Variants in PTPRD observed in about 807,000 individuals in gnomAD.
The protein encoded by PTPRD is protein tyrosine phosphatase receptor type D.
A neutral mutation model predicts 214.5 loss-of-function variants in PTPRD; 34 were observed. The ratio of observed to expected loss-of-function variants is 0.16; its 90% CI spans 0.12 to 0.21. PTPRD has a LOEUF of 0.21. PTPRD is among the 10% of genes least tolerant of loss of function. The probability of loss-of-function intolerance (pLI) is 1.00; values close to 1 mark genes in which losing one functional copy is unlikely to be tolerated. For synonymous variants in PTPRD, 1,128 were observed against 845.7 expected, an observed-to-expected ratio of 1.33 and a Z score of -5.79; for missense variants, 2,545 against 2,398.7, an observed-to-expected ratio of 1.06 and a Z score of -1.27.
At chr9:8,498,149 T>C (rs2097316216) in intron 25 of PTPRD, among the ~76,000 whole-genome samples, 1 of 152,188 alleles carries the variant, frequency 6.6e-6, no homozygotes, top group Admixed American at 6.5e-5. Context: ...TCCAGATCCC[T>C]TTACTTAGAA....
intron 5 of PTPRD, among the ~76,000 whole-genome samples, chr9:9,870,444 T>A (rs920510360): frequency 6.6e-6 from 1 of 151,948 alleles, no homozygotes; most frequent in Non-Finnish European, 1.5e-5. Context: ...ACAGAAAATG[T>A]AAAATAAATA....
chr9:8,499,888 C>A (rs1199039912), intron 24 of PTPRD, 48 bp from the exon 25 acceptor site: 4 of 1,472,906 alleles, frequency 2.7e-6, no homozygotes, highest in Non-Finnish European at 3.6e-6. Flanking sequence ...CTTGTCCCAC[C>A]CTATCAGAGC....
chr9:9,750,240 T>C (rs2098503561), intron 6 of PTPRD, among the ~76,000 whole-genome samples: 1 of 152,168 alleles, frequency 6.6e-6, no homozygotes, highest in African/African-American at 2.4e-5. Flanking sequence ...TTTATGTAAC[T>C]ATTATTGAAA....
At chr9:9,809,177 G>C (rs1434045223) in intron 5 of PTPRD, among the ~76,000 whole-genome samples, 3 of 150,788 alleles carry the variant, frequency 2.0e-5, no homozygotes, top group African/African-American at 4.9e-5. Context: ...TAATAGGTTT[G>C]TAGGCCTTTT....
At chr9:9,551,878 G>C (rs1435246454) in intron 8 of PTPRD, among the ~76,000 whole-genome samples, 2 of 151,820 alleles carry the variant, frequency 1.3e-5, no homozygotes, top group African/African-American at 4.8e-5. Flanking sequence ...GGAACAATGG[G>C]ATCATCTCTC....
intron 6 of PTPRD, among the ~76,000 whole-genome samples, chr9:9,741,329 A>C (rs566777618): frequency 5.1e-4 from 76 of 149,560 alleles, no homozygotes; most frequent in Non-Finnish European, 8.8e-4. Flanking sequence ...TAATAGATAC[A>C]CAGGCAATCA....
intron 2 of PTPRD, among the ~76,000 whole-genome samples, chr9:10,527,194 T>C (rs1488664195): frequency 6.6e-6 from 1 of 152,146 alleles, no homozygotes; most frequent in African/African-American, 2.4e-5. Context: ...GGCTTTGCCA[T>C]TTCTCTTCAT....
At chr9:8,559,996 C>T (rs59259113) in intron 14 of PTPRD, among the ~76,000 whole-genome samples, 2 of 152,108 alleles carry the variant, frequency 1.3e-5, no homozygotes, top group African/African-American at 4.8e-5. Context: ...TCAACTGTAT[C>T]ATTAAGAGGA....
chr9:10,009,940 G>A (rs975269457), intron 4 of PTPRD, among the ~76,000 whole-genome samples: 2 of 151,842 alleles, frequency 1.3e-5, no homozygotes, highest in African/African-American at 4.8e-5. Context: ...CCAAAGGGAG[G>A]AGAGTATAAT....
At chr9:8,685,832 T>TA (rs1293715571) in intron 12 of PTPRD, among the ~76,000 whole-genome samples, 7 of 152,202 alleles carry the variant, frequency 4.6e-5, no homozygotes, top group Non-Finnish European at 1.0e-4. Flanking sequence ...TGCTTTTTGT[T>TA]AAAAATAAAT....
Position 9,302,526 on chromosome 9 carries a change from G to A in PTPRD, c.-203+94923C>T, listed in dbSNP as rs1054838885. The stretch of plus-strand genomic sequence containing the variant: ...ATTCCTGCTTATATTTCCATGTTCC[G>A]CCTTCCCCACTCTCCCACTTTTCAT... On this transcript the variant is annotated intron_variant, in intron 9 of 45. Transcript: ENST00000381196. Among the ~76,000 whole-genome samples the A allele has an allele frequency of 2.0e-5, 3 of 149,988 alleles. No homozygotes were observed. The East Asian group carries it at 5.9e-4, about 29-fold the overall frequency.
intron 9 of PTPRD, among the ~76,000 whole-genome samples, chr9:9,319,018 C>G (rs571602180): frequency 6.6e-6 from 1 of 152,304 alleles, no homozygotes; most frequent in South Asian, 2.1e-4. Flanking sequence ...GTTAAGTAAG[C>G]TTTCCTCAAA....
At chr9:9,468,608 T>A (rs963747056) in intron 8 of PTPRD, among the ~76,000 whole-genome samples, 1 of 152,122 alleles carries the variant, frequency 6.6e-6, no homozygotes, top group Non-Finnish European at 1.5e-5. Context: ...CATTTCAGTC[T>A]ATATATGTTT....
At chr9:8,870,971 T>G (rs1358114479) in intron 11 of PTPRD, among the ~76,000 whole-genome samples, 1 of 152,210 alleles carries the variant, frequency 6.6e-6, no homozygotes, top group Non-Finnish European at 1.5e-5. Flanking sequence ...ATTCCCTGCC[T>G]GCTGAGAAGA....
Position 10,240,723 on chromosome 9 carries a change from TAACA to T in PTPRD, c.-545+100236_-545+100239del, listed in dbSNP as rs779697890. Among the ~76,000 whole-genome samples, 13 of 152,036 alleles carry T rather than the reference TAACA, an allele frequency of 8.6e-5. No individual in the cohort carries two copies. In the East Asian group the frequency reaches 2.3e-3, roughly 27 times the overall value. On this transcript the variant is annotated intron_variant, in intron 3 of 45. Coordinates refer to ENST00000381196, the MANE Select transcript of PTPRD (RefSeq NM_002839.4). ...AAAGATATAATAGGTCAATAACCCC[TAACA>T]AATAACAGCTAAAATGATAAATCTG...
chr9:9,344,456 A>T (rs2048048641), intron 9 of PTPRD, among the ~76,000 whole-genome samples: 1 of 152,072 alleles, frequency 6.6e-6, no homozygotes, highest in African/African-American at 2.4e-5. Flanking sequence ...TGACAAAACT[A>T]CATGTTCAGC....
chr9:10,436,072 A>G (rs1190502931), intron 2 of PTPRD, among the ~76,000 whole-genome samples: 1 of 151,896 alleles, frequency 6.6e-6, no homozygotes, highest in African/African-American at 2.4e-5. Context: ...AAAGTCATTT[A>G]GTAAACTGTG....
chr9:10,452,255 G>C (rs12338647), intron 2 of PTPRD, among the ~76,000 whole-genome samples: 18,036 of 151,760 alleles, frequency 0.12, 1,417 homozygotes, highest in South Asian at 0.25. Flanking sequence ...CCATACGTTG[G>C]TCATTGTGAA....
chr9:9,846,616 C>T (rs188566269), intron 5 of PTPRD, among the ~76,000 whole-genome samples: 22 of 152,020 alleles, frequency 1.4e-4, no homozygotes, highest in African/African-American at 4.6e-4. Context: ...GCTAGGTGGA[C>T]TATGTCAAGG....
Sources: gnomAD v4.1 joint callset for allele counts (sites outside exome capture counted in the v4.1 genomes callset) on GRCh38, gnomAD v4.1.1 for gene constraint, MANE v1.5 for transcripts, NCBI Gene and HGNC (gene_info 2026-07-23, HGNC 2026-07-21) for gene names.